ANKAR: variants seen among roughly 807,000 people sequenced by gnomAD.
ANKAR encodes the protein ankyrin and armadillo repeat containing.
A neutral mutation model predicts 146.2 loss-of-function variants in ANKAR; 136 were observed. That is an observed-to-expected ratio of 0.93 (90% CI 0.81 to 1.07). The LOEUF (loss-of-function observed/expected upper bound fraction) is 1.07. ANKAR is among the 50% of genes least tolerant of loss of function. The probability of loss-of-function intolerance (pLI) is 0.00; values close to 1 mark genes in which losing one functional copy is unlikely to be tolerated. For synonymous variants in ANKAR, 500 were observed against 575.8 expected, an observed-to-expected ratio of 0.87 and a Z score of 1.88; for missense variants, 1,567 against 1,679.9, an observed-to-expected ratio of 0.93 and a Z score of 1.18.
intron 7 of ANKAR, among the ~76,000 whole-genome samples, chr2:189,699,110 T>C (rs2037689311): frequency 6.6e-6 from 1 of 152,180 alleles, no homozygotes; most frequent in Non-Finnish European, 1.5e-5. Context: ...CGCTTGGCCT[T>C]CATAGGTGCT....
At chr2:189,712,649 A>G (rs1574546698) in intron 10 of ANKAR, among the ~76,000 whole-genome samples, 2 of 152,340 alleles carry the variant, frequency 1.3e-5, no homozygotes, top group African/African-American at 4.8e-5. Context: ...GGTAGATAAA[A>G]CCACAAAGAT....
Position 189,684,486 on chromosome 2 carries a change from T to C in ANKAR, c.602-5041T>C, listed in dbSNP as rs1162671771. On this transcript the variant is annotated intron_variant, in intron 2 of 22. Transcript: ENST00000684021. ...TGTCTTTTTTGGTTTGATTTTAAAT[T>C]CTCAGCACCTTATACAGTGCATGAC... Among the ~76,000 whole-genome samples the C allele has an allele frequency of 2.0e-5, 3 of 152,142 alleles. No homozygotes were observed. In the East Asian group the frequency reaches 5.8e-4, roughly 29 times the overall value.
chr2:189,701,562 G>T (rs912543434), intron 7 of ANKAR, among the ~76,000 whole-genome samples: 1 of 152,134 alleles, frequency 6.6e-6, no homozygotes, highest in African/African-American at 2.4e-5. Context: ...TATATCTTCA[G>T]GATTAGAGAT....
At position 189,741,441 on chromosome 2, in the gene ANKAR, G is replaced by C; in HGVS notation, c.3800G>C (p.Gly1267Ala). Residue 1267 changes from glycine (G) to alanine (A), a missense_variant, in exon 20 of 23, where the codon GGA (glycine) becomes GCA (alanine). Transcript: ENST00000684021. ...CGGCTCTGCTATCATTTGTACTCGG[G>C]AATAGAAGAGGTAAAAACAAGCAAA... ...IQRLCYHLYS[G>A]IEEVRAACSS... The C allele has an allele frequency of 1.3e-6, 2 of 1,597,524 alleles. No individual in the cohort carries two copies. Among genetic ancestry groups the C allele is most frequent in the Non-Finnish European group, 1.7e-6 (2 of 1,173,334 alleles).
At chr2:189,719,537 C>T in intron 10 of ANKAR, 35 bp from the exon 11 acceptor site, 1 of 1,542,954 alleles carries the variant, frequency 6.5e-7, no homozygotes, top group Admixed American at 1.7e-5. Flanking sequence ...ACCAATAATT[C>T]ATGCTTTTTA....
chr2:189,695,181 A>G lies in ANKAR; in HGVS notation c.1488+20A>G, dbSNP rs2037017617. Reference sequence around the variant, plus strand: ...TGCAAGGTATTTCAGTGACTACCACATAATTTAGTATATGAAGTTATGTAT... The same window carrying G: ...TGCAAGGTATTTCAGTGACTACCACGTAATTTAGTATATGAAGTTATGTAT... On this transcript the variant is annotated intron_variant, in intron 6 of 22. Coordinates refer to ENST00000684021, the MANE Select transcript of ANKAR (RefSeq NM_001378068.1). 2 of 1,549,330 alleles carry G rather than the reference A, an allele frequency of 1.3e-6. No homozygotes were observed. The highest frequency in any genetic ancestry group is 1.3e-5 in the South Asian group (1 of 79,860).
intron 10 of ANKAR, among the ~76,000 whole-genome samples, chr2:189,717,852 C>T (rs1487548056): frequency 6.6e-6 from 1 of 152,136 alleles, no homozygotes; most frequent in Non-Finnish European, 1.5e-5. Flanking sequence ...AAAGCAAACA[C>T]CACATGTTCT....
intron 9 of ANKAR, among the ~76,000 whole-genome samples, chr2:189,709,338 A>C (rs1235657755): frequency 1.3e-5 from 2 of 152,210 alleles, no homozygotes; most frequent in Admixed American, 6.5e-5. Flanking sequence ...AGCAAAACAC[A>C]GCAGTGTATA....
At chr2:189,750,069 G>A (rs2044905449), downstream of ANKAR, among the ~76,000 whole-genome samples, 1 of 152,198 alleles carries the variant, frequency 6.6e-6, no homozygotes, top group Non-Finnish European at 1.5e-5. Context: ...GTTGCATGCA[G>A]TAAGCTGAGA....
At chr2:189,691,690 CAT>C (rs1234517871) in intron 3 of ANKAR, among the ~76,000 whole-genome samples, 3 of 147,390 alleles carry the variant, frequency 2.0e-5, no homozygotes, top group African/African-American at 5.0e-5. Context: ...TATATACATA[CAT>C]ATATATGTAT....
intron 2 of ANKAR, among the ~76,000 whole-genome samples, chr2:189,681,612 A>G (rs542351191): frequency 4.6e-5 from 7 of 152,306 alleles, no homozygotes; most frequent in Admixed American, 2.0e-4. Flanking sequence ...AACCACCAGC[A>G]CAGTATTGGC....
intron 16 of ANKAR, among the ~76,000 whole-genome samples, chr2:189,731,471 T>C (rs530038338): frequency 2.1e-4 from 32 of 151,500 alleles, no homozygotes; most frequent in African/African-American, 7.7e-4. Flanking sequence ...CCTCCTGGGT[T>C]CAAGTGATTC....
At chr2:189,698,090 A>C (rs2037504741) in intron 7 of ANKAR, among the ~76,000 whole-genome samples, 1 of 152,310 alleles carries the variant, frequency 6.6e-6, no homozygotes, top group South Asian at 2.1e-4. Flanking sequence ...AGAGTCATCC[A>C]AAGTAGAGGT....
intron 17 of ANKAR, among the ~76,000 whole-genome samples, chr2:189,735,009 A>AT (rs1191119776): frequency 1.3e-5 from 2 of 149,784 alleles, no homozygotes; most frequent in African/African-American, 4.9e-5. Context: ...AGAGTAAAAA[A>AT]AAATATATAT....
intron 18 of ANKAR, chr2:189,755,347 A>T: frequency 6.2e-7 from 1 of 1,613,500 alleles, no homozygotes; most frequent in East Asian, 2.2e-5. Context: ...CCATATGATG[A>T]ATGGGAATGA....
intron 8 of ANKAR, among the ~76,000 whole-genome samples, chr2:189,706,083 C>T (rs1200878215): frequency 6.6e-6 from 1 of 151,646 alleles, no homozygotes; most frequent in Non-Finnish European, 1.5e-5. Flanking sequence ...CCTGCTTTCA[C>T]CATCATGTCT....
rs530837084 is a variant in ANKAR, at chr2:189,703,531, A to T, written c.1709-1492A>T. On this transcript the variant is annotated intron_variant, in intron 7 of 22. Coordinates refer to ENST00000684021, the MANE Select transcript of ANKAR (RefSeq NM_001378068.1). ...ATAGTAGTTCAATTTTGAATACATTAAGTTTGAGGGGATGTGTGAAGATGC... is the reference window on the plus strand; with the variant it reads ...ATAGTAGTTCAATTTTGAATACATTTAGTTTGAGGGGATGTGTGAAGATGC... 3.9e-5 allele frequency among the ~76,000 whole-genome samples: 6 copies of T among 152,302 alleles called. No individual in the cohort carries two copies. The South Asian group carries it at 1.2e-3, about 32-fold the overall frequency.
intron 12 of ANKAR, among the ~76,000 whole-genome samples, chr2:189,723,281 T>C (rs1302140009): frequency 6.6e-6 from 1 of 152,206 alleles, no homozygotes; most frequent in African/African-American, 2.4e-5. Context: ...CTTGCTAAGT[T>C]TGGTTTGTTT....
downstream of ANKAR, chr2:189,762,577 T>C (rs1199292297): frequency 1.0e-6 from 1 of 985,204 alleles, no homozygotes; most frequent in East Asian, 1.1e-4. Flanking sequence ...GTGACTTGGG[T>C]AGCGCTGGTC....
Sources: gnomAD v4.1 joint callset for allele counts (sites outside exome capture counted in the v4.1 genomes callset) on GRCh38, gnomAD v4.1.1 for gene constraint, MANE v1.5 for transcripts, NCBI Gene and HGNC (gene_info 2026-07-23, HGNC 2026-07-21) for gene names.